Variants in PLA2R1 observed in about 807,000 individuals in gnomAD.
The protein encoded by PLA2R1 is secretory phospholipase A2 receptor.
In PLA2R1, 158 loss-of-function variants were observed where a neutral mutation model predicts 195.9. The observed-to-expected ratio is 0.81, with a 90% CI of 0.71 to 0.92. PLA2R1 has a LOEUF of 0.92. Ranked by LOEUF, PLA2R1 falls within the 40% of genes least tolerant of loss-of-function variation. PLA2R1 has a pLI of 0.00. For missense variants in PLA2R1, 1,626 were observed against 1,764.6 expected (o/e 0.92, Z 1.41); for synonymous variants, 586 against 598.2 (o/e 0.98, Z 0.30).
intron 11 of PLA2R1, among the ~76,000 whole-genome samples, chr2:160,004,914 T>TAC (rs555451884): frequency 6.6e-6 from 1 of 152,178 alleles, no homozygotes; most frequent in Non-Finnish European, 1.5e-5. Flanking sequence ...CTGGCTAAGG[T>TAC]ACCCCAGGCA....
the PLA2R1 span, among the ~76,000 whole-genome samples, chr2:159,926,675 G>C: frequency 3.8e-4 from 58 of 152,272 alleles, no homozygotes; most frequent in South Asian, 1.2e-3. Flanking sequence ...TGGCTCACTC[G>C]AAGTGGTCAC....
At chr2:160,056,433 C>G (rs551347179) in intron 1 of PLA2R1, among the ~76,000 whole-genome samples, 2 of 152,276 alleles carry the variant, frequency 1.3e-5, no homozygotes, top group South Asian at 4.1e-4. Context: ...CTCTTCTTCA[C>G]TTTGGTGACC....
At chr2:160,049,124 A>G (rs1344950764) in intron 1 of PLA2R1, among the ~76,000 whole-genome samples, 2 of 151,966 alleles carry the variant, frequency 1.3e-5, no homozygotes, top group East Asian at 3.9e-4. Context: ...TACAGGCGTG[A>G]GCCACCGCGC....
At chr2:159,983,270 C>T (rs754437380) in intron 13 of PLA2R1, among the ~76,000 whole-genome samples, 2 of 152,086 alleles carry the variant, frequency 1.3e-5, no homozygotes, top group African/African-American at 2.4e-5. Flanking sequence ...CAGATGACCA[C>T]GGTATGTGGT....
intron 1 of PLA2R1, among the ~76,000 whole-genome samples, chr2:160,059,353 C>T (rs1358434083): frequency 2.0e-5 from 3 of 152,058 alleles, no homozygotes; most frequent in African/African-American, 4.8e-5. Context: ...TGCTGTGCAC[C>T]GTAGTAAGTA....
chr2:160,043,679 T>A (rs969802930), intron 2 of PLA2R1, among the ~76,000 whole-genome samples: 3 of 152,026 alleles, frequency 2.0e-5, no homozygotes, highest in African/African-American at 7.3e-5. Context: ...GCACCATGAG[T>A]GTGGGTATGT....
At chr2:159,986,459 C>T (rs1690341333) in intron 12 of PLA2R1, among the ~76,000 whole-genome samples, 1 of 152,110 alleles carries the variant, frequency 6.6e-6, no homozygotes, top group African/African-American at 2.4e-5. Context: ...TTGTGCAAAA[C>T]CTCCTGTCAG....
downstream of PLA2R1, among the ~76,000 whole-genome samples, chr2:159,931,183 C>A (rs1238819693): frequency 6.6e-6 from 1 of 152,156 alleles, no homozygotes; most frequent in Non-Finnish European, 1.5e-5. Context: ...TGTGTTTGTT[C>A]CGAAATCCGT....
rs1686621978 is a variant in PLA2R1, at chr2:159,932,249, CTGTT to C, written c.*9525_*9528del. ...AGGGTCTGCTTCGTTCACGCACTGTCTGTTTGGTAGTGTGCAGAGATGGTTTTCT... is the reference window on the plus strand; with the variant it reads ...AGGGTCTGCTTCGTTCACGCACTGTCTGGTAGTGTGCAGAGATGGTTTTCT... On this transcript the variant is annotated 3_prime_UTR_variant, in exon 30 of 30. Transcript: ENST00000283243. The C allele has an allele frequency of 6.6e-6, 1 of 152,258 alleles. No homozygotes were observed. Among genetic ancestry groups the C allele is most frequent in the Non-Finnish European group, 1.5e-5 (1 of 68,080 alleles). 9.4% of individuals were successfully genotyped at this position (152,258 alleles called of 1,614,324 possible).
intron 11 of PLA2R1, among the ~76,000 whole-genome samples, chr2:160,003,070 G>T (rs1217333355): frequency 6.6e-6 from 1 of 151,942 alleles, no homozygotes; most frequent in East Asian, 1.9e-4. Flanking sequence ...TGAGAATGTA[G>T]GTTATGTTTA....
chr2:159,946,749 C>T (rs1687410428), intron 27 of PLA2R1, 52 bp downstream of exon 27: 2 of 1,532,260 alleles, frequency 1.3e-6, no homozygotes, highest in Middle Eastern at 1.7e-4. Context: ...TTATCATCAG[C>T]TTTAACAACC....
Position 160,016,280 on chromosome 2 carries a change from A to C in PLA2R1, c.1551+334T>G, listed in dbSNP as rs1308968810. ...CTCTGTCTCAAAAAAAAAAAAAGAA[A>C]AAGAAAAAGAAAAGAAAGAAAGACT... is the stretch of plus-strand genomic sequence containing the variant. On this transcript the variant is annotated intron_variant, in intron 9 of 29. Coordinates refer to ENST00000283243, the MANE Select transcript of PLA2R1 (RefSeq NM_007366.5). 2.6e-5 allele frequency among the ~76,000 whole-genome samples: 4 copies of C among 151,176 alleles called. No individual in the cohort carries two copies. The East Asian group carries it at 7.7e-4, about 29-fold the overall frequency.
chr2:160,001,927 T>A (rs1387927685), intron 11 of PLA2R1, among the ~76,000 whole-genome samples: 2 of 151,298 alleles, frequency 1.3e-5, no homozygotes, highest in Non-Finnish European at 3.0e-5. Flanking sequence ...ATTGAGGCTA[T>A]AGATGATCTG....
At chr2:160,009,898 A>C (rs1222376012) in intron 10 of PLA2R1, among the ~76,000 whole-genome samples, 1 of 152,138 alleles carries the variant, frequency 6.6e-6, no homozygotes, top group East Asian at 1.9e-4. Context: ...GCTTGAGCCC[A>C]GGAGTTCAAG....
At chr2:160,060,395 T>A (rs1443926429) in intron 1 of PLA2R1, among the ~76,000 whole-genome samples, 1 of 152,238 alleles carries the variant, frequency 6.6e-6, no homozygotes, top group African/African-American at 2.4e-5. Context: ...TGTTTTTCCA[T>A]TTTGTATTGA....
chr2:159,950,181 G>T (rs1687649875), intron 24 of PLA2R1, among the ~76,000 whole-genome samples: 1 of 152,102 alleles, frequency 6.6e-6, no homozygotes, highest in Non-Finnish European at 1.5e-5. Context: ...AAATCCAGAG[G>T]CTATAAAGCA....
At chr2:160,058,503 G>A (rs1695722806) in intron 1 of PLA2R1, among the ~76,000 whole-genome samples, 1 of 152,078 alleles carries the variant, frequency 6.6e-6, no homozygotes, top group African/African-American at 2.4e-5. Context: ...TATTAGTGGG[G>A]GACCATTTCA....
chr2:160,062,407 TA>T lies in PLA2R1; in HGVS notation c.-5del. Reference sequence around the variant, plus strand: ...GCAGCGACGGCGACAGCAGCATCGCTAACCACTGGGCTCTCCGGGAGCCCCT... The same window carrying T: ...GCAGCGACGGCGACAGCAGCATCGCTACCACTGGGCTCTCCGGGAGCCCCT... On this transcript the variant is annotated 5_prime_UTR_variant, in exon 1 of 30. Transcript: ENST00000283243. The T allele has an allele frequency of 6.5e-7, 1 of 1,539,390 alleles. No homozygotes were observed. Among genetic ancestry groups the T allele is most frequent in the Non-Finnish European group, 8.8e-7 (1 of 1,142,484 alleles).
At position 160,035,194 on chromosome 2, in the gene PLA2R1, T is replaced by C. The variant is rs184337927; in HGVS notation, c.668-2062A>G. ...CAGCCTGTATAAGAATTTGTACTTCTGTACTGGCAGACACAAGTCCTTTCT... is the reference window on the plus strand; with the variant it reads ...CAGCCTGTATAAGAATTTGTACTTCCGTACTGGCAGACACAAGTCCTTTCT... On this transcript the variant is annotated intron_variant, in intron 3 of 29. Transcript: ENST00000283243. Among the ~76,000 whole-genome samples the C allele has an allele frequency of 4.9e-3, 741 of 152,350 alleles. 7 individuals are homozygous for C. Among genetic ancestry groups the C allele is most frequent in the African/African-American group, 0.017 (715 of 41,576 alleles).
Sources: gnomAD v4.1 joint callset for allele counts (sites outside exome capture counted in the v4.1 genomes callset) on GRCh38, gnomAD v4.1.1 for gene constraint, MANE v1.5 for transcripts, NCBI Gene and HGNC (gene_info 2026-07-23, HGNC 2026-07-21) for gene names.